CSDE1: variants seen among roughly 807,000 people sequenced by gnomAD.
CSDE1 encodes cold shock domain containing E1.
A neutral mutation model predicts 89.3 loss-of-function variants in CSDE1; 17 were observed. The observed-to-expected ratio is 0.19, with a 90% confidence interval of 0.13 to 0.29. The LOEUF (loss-of-function observed/expected upper bound fraction) is 0.29, where lower values mean the gene tolerates loss of function less well. Ranked by LOEUF, CSDE1 falls within the 10% of genes least tolerant of loss-of-function variation. The pLI is 1.00. For synonymous variants in CSDE1, 322 were observed against 332.8 expected (o/e 0.97, Z 0.35); for missense variants, 672 against 984.2 (o/e 0.68, Z 4.24).
intron 3 of CSDE1, among the ~76,000 whole-genome samples, chr1:114,738,734 G>C (rs943694829): frequency 1.6e-5 from 2 of 126,860 alleles, no homozygotes; most frequent in East Asian, 4.9e-4. Context: ...GCAGCGGCAC[G>C]ATCTCAGCTC....
At chr1:114,718,270 A>G (rs753210209) in intron 19 of CSDE1, 54 bp from the exon 20 acceptor site, 1 of 1,541,856 alleles carries the variant, frequency 6.5e-7, no homozygotes, top group Non-Finnish European at 8.9e-7. Context: ...GCGCACAACA[A>G]TCATAGTACA....
At chr1:114,734,372 A>T in intron 7 of CSDE1, 70 bp downstream of exon 7, 3 of 1,353,710 alleles carry the variant, frequency 2.2e-6, no homozygotes, top group Non-Finnish European at 1.0e-6. Flanking sequence ...AAAAAAACAA[A>T]GGCTGGAGTT....
chr1:114,746,537 T>G (rs1278211018), intron 2 of CSDE1: 23 of 152,226 alleles, frequency 1.5e-4, no homozygotes, highest in Non-Finnish European at 2.1e-4. Context: ...TCATTCATTC[T>G]CCTACCTTAA....
At chr1:114,751,239 AT>A (rs1276691766) in intron 1 of CSDE1, among the ~76,000 whole-genome samples, 1 of 152,224 alleles carries the variant, frequency 6.6e-6, no homozygotes, top group Non-Finnish European at 1.5e-5. Flanking sequence ...TAAAAATCAC[AT>A]TTCTGCTTTA....
intron 14 of CSDE1, 59 bp downstream of exon 14, chr1:114,726,152 T>A: frequency 6.7e-7 from 1 of 1,491,936 alleles, no homozygotes; most frequent in East Asian, 2.3e-5. Flanking sequence ...TGTTTTTTAT[T>A]CCAACACCAA....
chr1:114,723,549 T>C (rs1331055201), intron 16 of CSDE1, among the ~76,000 whole-genome samples: 1 of 152,208 alleles, frequency 6.6e-6, no homozygotes, highest in African/African-American at 2.4e-5. Flanking sequence ...CTGATTTAAA[T>C]ACTAATGAAG....
At chr1:114,719,503 G>A (rs72687876) in intron 18 of CSDE1, 76 bp downstream of exon 18, 326,635 of 1,384,544 alleles carry the variant, frequency 0.24, 41,050 homozygotes, top group Middle Eastern at 0.26. Context: ...ACAGAAAAGT[G>A]ATGTGACAAA....
In CSDE1 at chr1:114,726,315, A is replaced by C. The variant is rs1420864642; in HGVS notation, c.1536T>G (p.Arg512=). 3 of 1,613,936 alleles carry C rather than the reference A, an allele frequency of 1.9e-6. No homozygotes were observed. The Admixed American group carries it at 5.0e-5, about 27-fold the overall frequency. ...CCAAGAGCCTCTTGGAGTTAGAATT[A>C]CGACCTAAAAGTCGCACACAAGTTG... is the stretch of plus-strand genomic sequence containing the variant. ...QVATCVRLLG[R]NSNSKRLLGY... is the part of the protein sequence containing the mutation. The change falls in exon 14 of 20, where the codon CGT becomes CGG. Residue 512 remains arginine (R), a synonymous_variant. Transcript: ENST00000358528.
chr1:114,746,636 CACAG>C (rs1330514495), intron 2 of CSDE1: 2 of 152,152 alleles, frequency 1.3e-5, no homozygotes, highest in Non-Finnish European at 2.9e-5. Flanking sequence ...CATAGGTACT[CACAG>C]AACTACTCAT....
chr1:114,750,665 TCA>T (rs1379579550), intron 1 of CSDE1, among the ~76,000 whole-genome samples: 1 of 152,154 alleles, frequency 6.6e-6, no homozygotes, highest in African/African-American at 2.4e-5. Context: ...ATCTATTATG[TCA>T]CAGACTATCT....
chr1:114,728,899 T>A (rs1172801405), intron 12 of CSDE1, among the ~76,000 whole-genome samples: 1 of 152,236 alleles, frequency 6.6e-6, no homozygotes, highest in Non-Finnish European at 1.5e-5. Flanking sequence ...ATCTCTCATG[T>A]ACCTTCACTT....
In CSDE1 at chr1:114,717,055, G is replaced by C. The variant is rs962593849; in HGVS notation, c.*1114C>G. ...GAGATCAAAACCTCAAACGACAAGGGGGAAGATAAAACCGCCCTCCCCCAC... is the reference window on the plus strand; with the variant it reads ...GAGATCAAAACCTCAAACGACAAGGCGGAAGATAAAACCGCCCTCCCCCAC... On this transcript the variant is annotated 3_prime_UTR_variant, in exon 20 of 20. Transcript: ENST00000358528. The C allele has an allele frequency of 6.5e-6, 1 of 152,760 alleles. No homozygotes were observed. The highest frequency in any genetic ancestry group is 2.4e-5 in the African/African-American group (1 of 41,458). 9.5% of individuals were successfully genotyped at this position (152,760 alleles called of 1,614,324 possible).
intron 15 of CSDE1, chr1:114,724,232 A>C (rs1659682048): frequency 2.9e-6 from 1 of 339,300 alleles, no homozygotes; most frequent in African/African-American, 2.2e-5. Context: ...TGTTTAAATA[A>C]AATTGTTTAA....
At chr1:114,736,895 G>T in intron 5 of CSDE1, 40 bp from the exon 6 acceptor site, 1 of 1,462,806 alleles carries the variant, frequency 6.8e-7, no homozygotes, top group Non-Finnish European at 9.5e-7. Context: ...TTGGCAGGAT[G>T]CATATTCACT....
At chr1:114,747,289 T>C (rs906024510) in intron 2 of CSDE1, among the ~76,000 whole-genome samples, 3 of 152,206 alleles carry the variant, frequency 2.0e-5, no homozygotes, top group Non-Finnish European at 2.9e-5. Flanking sequence ...GGGGGTTCCA[T>C]TGCATTACCA....
chr1:114,726,738 A>G (rs1340458849), intron 13 of CSDE1, among the ~76,000 whole-genome samples: 3 of 152,214 alleles, frequency 2.0e-5, no homozygotes, highest in Non-Finnish European at 4.4e-5. Flanking sequence ...TTTCTTACCA[A>G]TAACGATTTT....
chr1:114,757,135 T>C (rs1302015599), intron 1 of CSDE1, among the ~76,000 whole-genome samples: 2 of 152,118 alleles, frequency 1.3e-5, no homozygotes, highest in African/African-American at 4.8e-5. Flanking sequence ...GGGAGCCACG[T>C]GCCTAAAAGA....
At chr1:114,753,429 A>T (rs1276140417) in intron 1 of CSDE1, among the ~76,000 whole-genome samples, 2 of 152,214 alleles carry the variant, frequency 1.3e-5, no homozygotes, top group South Asian at 2.1e-4. Flanking sequence ...ATAGTTAACT[A>T]AATGTTTTTC....
At chr1:114,754,492 C>A (rs1661483284) in intron 1 of CSDE1, among the ~76,000 whole-genome samples, 1 of 152,100 alleles carries the variant, frequency 6.6e-6, no homozygotes, top group Admixed American at 6.5e-5. Context: ...TAATGAAAGG[C>A]TAAGCCAGTC....
Sources: gnomAD v4.1 joint callset for allele counts (sites outside exome capture counted in the v4.1 genomes callset) on GRCh38, gnomAD v4.1.1 for gene constraint, MANE v1.5 for transcripts, NCBI Gene and HGNC (gene_info 2026-07-23, HGNC 2026-07-21) for gene names.